CSMD1: variants seen among roughly 807,000 people sequenced by gnomAD.
CSMD1 encodes the protein CUB and sushi domain-containing protein 1.
Under a neutral mutation model 417.5 loss-of-function variants are expected in CSMD1, and 213 were observed. That is an observed-to-expected ratio of 0.51 (90% CI 0.46 to 0.57). CSMD1 has a LOEUF of 0.57. Ranked by LOEUF, CSMD1 falls within the 20% of genes least tolerant of loss-of-function variation. The pLI, the probability that CSMD1 is intolerant of heterozygous loss-of-function variation, is 0.00. For synonymous variants in CSMD1, 2,862 were observed against 1,736.8 expected (o/e 1.65, Z -16.11); for missense variants, 6,923 against 4,529.7 (o/e 1.53, Z -15.17).
intron 6 of CSMD1, among the ~76,000 whole-genome samples, chr8:3,738,465 G>C (rs1284099311): frequency 6.6e-6 from 1 of 152,198 alleles, no homozygotes; most frequent in Non-Finnish European, 1.5e-5. Context: ...AAGCTCATAT[G>C]TGCAGTGAAT....
chr8:4,039,313 A>G (rs945098295), intron 3 of CSMD1, among the ~76,000 whole-genome samples: 7 of 152,194 alleles, frequency 4.6e-5, no homozygotes, highest in African/African-American at 1.7e-4. Context: ...TAAACCAACG[A>G]TATCAAATGT....
At chr8:3,081,779 A>G (rs1814120615) in intron 49 of CSMD1, among the ~76,000 whole-genome samples, 1 of 152,220 alleles carries the variant, frequency 6.6e-6, no homozygotes, top group Non-Finnish European at 1.5e-5. Flanking sequence ...TAAAAGTTAC[A>G]AAGTCAAATA....
chr8:4,393,410 T>C (rs1285746540), intron 3 of CSMD1, among the ~76,000 whole-genome samples: 1 of 152,194 alleles, frequency 6.6e-6, no homozygotes, highest in African/African-American at 2.4e-5. Flanking sequence ...TGAAATCATT[T>C]AATAGGGAAA....
At chr8:4,414,033 T>C (rs1297810465) in intron 3 of CSMD1, among the ~76,000 whole-genome samples, 1 of 151,982 alleles carries the variant, frequency 6.6e-6, no homozygotes. Context: ...TAGCACGTTC[T>C]TGAAAAGGAA....
intron 54 of CSMD1, among the ~76,000 whole-genome samples, chr8:2,989,965 G>C (rs1471544655): frequency 6.6e-6 from 1 of 152,166 alleles, no homozygotes; most frequent in African/African-American, 2.4e-5. Flanking sequence ...TATAGTAGGT[G>C]CTCAACAAAT....
chr8:4,614,144 G>GATA lies in CSMD1; in HGVS notation c.302+23195_302+23197dup, dbSNP rs148907622. Among the ~76,000 whole-genome samples, 703 of 151,968 alleles carry GATA rather than the reference G, an allele frequency of 4.6e-3. 2 individuals carry two copies. Among genetic ancestry groups the GATA allele is most frequent in the African/African-American group, 0.016 (680 of 41,484 alleles). Reference sequence around the variant, plus strand: ...TAAAAACAATGAACTTTTAAGTTCTGATAATAATAATAATAATAGTTATGC... The same window carrying GATA: ...TAAAAACAATGAACTTTTAAGTTCTGATAATAATAATAATAATAATAGTTATGC... On this transcript the variant is annotated intron_variant, in intron 2 of 69. Coordinates refer to ENST00000635120, the MANE Select transcript of CSMD1 (RefSeq NM_033225.6).
chr8:3,773,729 G>A (rs757538261), intron 5 of CSMD1, among the ~76,000 whole-genome samples: 1 of 152,138 alleles, frequency 6.6e-6, no homozygotes, highest in Non-Finnish European at 1.5e-5. Flanking sequence ...ATGATGAGGA[G>A]GGCAAGCATG....
chr8:3,751,639 T>G (rs1797348826), intron 6 of CSMD1, among the ~76,000 whole-genome samples: 1 of 151,418 alleles, frequency 6.6e-6, no homozygotes, highest in Non-Finnish European at 1.5e-5. Context: ...AATTACATAT[T>G]TTTTTTAACT....
chr8:3,375,444 T>C (rs1810244930), intron 18 of CSMD1, among the ~76,000 whole-genome samples: 1 of 152,134 alleles, frequency 6.6e-6, no homozygotes, highest in South Asian at 2.1e-4. Flanking sequence ...CAAATACAGT[T>C]CTATTTGAAG....
In CSMD1 at chr8:2,939,067, C is replaced by T. The variant is rs577835450; in HGVS notation, c.10536-323G>A. ...TCAGCCTTGACCTCTTGGGCTCAGG[C>T]GATCCTCCCACCTCAGCCTCCTGGG... On this transcript the variant is annotated intron_variant, in intron 69 of 69. Coordinates refer to ENST00000635120, the MANE Select transcript of CSMD1 (RefSeq NM_033225.6). Among the ~76,000 whole-genome samples, 36 of 152,292 alleles carry T rather than the reference C, an allele frequency of 2.4e-4. 1 individual carries two copies. Among genetic ancestry groups the T allele is most frequent in the African/African-American group, 8.2e-4 (34 of 41,558 alleles).
At chr8:3,153,195 C>T (rs1819308659) in intron 39 of CSMD1, among the ~76,000 whole-genome samples, 1 of 152,168 alleles carries the variant, frequency 6.6e-6, no homozygotes, top group Non-Finnish European at 1.5e-5. Flanking sequence ...CACTGCTACA[C>T]TCCCACCAGC....
chr8:4,368,414 T>C (rs1055881915), intron 3 of CSMD1, among the ~76,000 whole-genome samples: 1 of 152,176 alleles, frequency 6.6e-6, no homozygotes, highest in Non-Finnish European at 1.5e-5. Context: ...TCATCAGGAA[T>C]ATTTGCCAGA....
intron 1 of CSMD1, among the ~76,000 whole-genome samples, chr8:4,981,946 GGT>G (rs941537092): frequency 1.3e-5 from 2 of 152,216 alleles, no homozygotes. Flanking sequence ...GGAAGTCCCA[GGT>G]GACAACCGTG....
intron 3 of CSMD1, among the ~76,000 whole-genome samples, chr8:4,367,737 C>T (rs1365695800): frequency 6.6e-6 from 1 of 152,122 alleles, no homozygotes; most frequent in Non-Finnish European, 1.5e-5. Context: ...TGATTTCTTT[C>T]AGCAGTGTTT....
intron 9 of CSMD1, among the ~76,000 whole-genome samples, chr8:3,579,174 G>C (rs1373076161): frequency 6.6e-6 from 1 of 152,020 alleles, no homozygotes; most frequent in African/African-American, 2.4e-5. Context: ...AGAATTCACA[G>C]AATGATAAAT....
intron 5 of CSMD1, among the ~76,000 whole-genome samples, chr8:3,904,848 G>A (rs755967822): frequency 2.6e-5 from 4 of 151,970 alleles, no homozygotes; most frequent in African/African-American, 9.7e-5. Context: ...TGTTGACCAG[G>A]CTGGTCTCAA....
intron 1 of CSMD1, among the ~76,000 whole-genome samples, chr8:4,945,664 G>A (rs532870680): frequency 6.6e-6 from 1 of 152,138 alleles, no homozygotes; most frequent in African/African-American, 2.4e-5. Flanking sequence ...TTTGGGAAAG[G>A]AGACTTTTTT....
chr8:3,833,765 G>C (rs184271097), intron 5 of CSMD1, among the ~76,000 whole-genome samples: 9 of 152,010 alleles, frequency 5.9e-5, no homozygotes, highest in Non-Finnish European at 1.3e-4. Context: ...TGTGGCCCTG[G>C]TTCTCTTCTC....
At chr8:3,006,125 A>G (rs1807874544) in intron 52 of CSMD1, among the ~76,000 whole-genome samples, 1 of 151,250 alleles carries the variant, frequency 6.6e-6, no homozygotes, top group African/African-American at 2.4e-5. Context: ...TTATACACCA[A>G]CAACAGACAA....
Sources: allele counts gnomAD v4.1 joint callset (sites outside exome capture counted in the v4.1 genomes callset), GRCh38; gene constraint gnomAD v4.1.1; transcripts MANE v1.5; gene names NCBI Gene and HGNC (gene_info 2026-07-23, HGNC 2026-07-21).